The following CCSER1 variants were observed in gnomAD, a reference collection of about 807,000 sequenced individuals.
CCSER1 encodes coiled-coil serine rich protein 1.
CCSER1 carries 41 observed loss-of-function variants against 82.0 expected under a neutral mutation model. The ratio of observed to expected loss-of-function variants is 0.50; its 90% CI spans 0.39 to 0.65. The LOEUF is 0.65. CCSER1 is among the 30% of genes least tolerant of loss of function. The probability of loss-of-function intolerance (pLI) is 0.00; values close to 1 mark genes in which losing one functional copy is unlikely to be tolerated. For synonymous variants in CCSER1, 414 were observed against 383.9 expected, an observed-to-expected ratio of 1.08 and a Z score of -0.92; for missense variants, 1,119 against 1,064.2, an observed-to-expected ratio of 1.05 and a Z score of -0.72.
chr4:91,110,665 C>A (rs1726021503), intron 10 of CCSER1, among the ~76,000 whole-genome samples: 1 of 151,960 alleles, frequency 6.6e-6, no homozygotes, highest in African/African-American at 2.4e-5. Flanking sequence ...ACTATGAGTT[C>A]CTAGAGAACA....
intron 10 of CCSER1, among the ~76,000 whole-genome samples, chr4:91,214,700 T>C (rs1560520804): frequency 6.6e-6 from 1 of 152,200 alleles, no homozygotes; most frequent in South Asian, 2.1e-4. Context: ...AACAAGATTA[T>C]CTGTTCTAGA....
intron 10 of CCSER1, among the ~76,000 whole-genome samples, chr4:91,114,001 C>T (rs1180698982): frequency 6.6e-6 from 1 of 152,060 alleles, no homozygotes; most frequent in Non-Finnish European, 1.5e-5. Context: ...CACAGGCGCC[C>T]ACTACCACGC....
intron 10 of CCSER1, among the ~76,000 whole-genome samples, chr4:91,503,190 A>G (rs1385829226): frequency 6.6e-6 from 1 of 151,822 alleles, no homozygotes; most frequent in African/African-American, 2.4e-5. Flanking sequence ...AAAATAGAAA[A>G]AATAAGCTGG....
intron 7 of CCSER1, among the ~76,000 whole-genome samples, chr4:90,760,671 C>T (rs924835203): frequency 2.0e-5 from 3 of 151,954 alleles, no homozygotes; most frequent in African/African-American, 7.2e-5. Context: ...ACCAAATAGT[C>T]TAGTGATTAA....
chr4:91,109,789 C>T (rs1725939231), intron 10 of CCSER1, among the ~76,000 whole-genome samples: 1 of 151,920 alleles, frequency 6.6e-6, no homozygotes, highest in African/African-American at 2.4e-5. Context: ...TGTAGAACTC[C>T]AGTCAAATAA....
chr4:91,081,343 C>T (rs1243549547), intron 9 of CCSER1, among the ~76,000 whole-genome samples: 10 of 151,028 alleles, frequency 6.6e-5, no homozygotes, highest in South Asian at 6.3e-4. Context: ...AAAAGGCCTT[C>T]GATGAATAAA....
intron 8 of CCSER1, among the ~76,000 whole-genome samples, chr4:90,908,872 A>T (rs187188192): frequency 7.2e-4 from 110 of 152,302 alleles, no homozygotes; most frequent in African/African-American, 2.6e-3. Context: ...ATGGATGAAG[A>T]CAGGAAAATG....
intron 10 of CCSER1, among the ~76,000 whole-genome samples, chr4:91,238,204 G>C (rs1461214128): frequency 1.3e-5 from 2 of 151,984 alleles, no homozygotes; most frequent in Non-Finnish European, 2.9e-5. Flanking sequence ...CCAATCAGAA[G>C]AACGTTTAAA....
intron 5 of CCSER1, among the ~76,000 whole-genome samples, chr4:90,609,751 G>C (rs1785204528): frequency 6.6e-6 from 1 of 152,150 alleles, no homozygotes; most frequent in Non-Finnish European, 1.5e-5. Flanking sequence ...ATGAATAAGA[G>C]TAGATTCGGC....
chr4:90,512,426 A>G (rs1017846399), intron 5 of CCSER1, among the ~76,000 whole-genome samples: 3 of 152,158 alleles, frequency 2.0e-5, no homozygotes, highest in Non-Finnish European at 4.4e-5. Flanking sequence ...CATGTGTTAG[A>G]TAACTAGGTA....
intron 8 of CCSER1, among the ~76,000 whole-genome samples, chr4:90,884,157 C>A (rs1312083456): frequency 6.6e-6 from 1 of 152,042 alleles, no homozygotes; most frequent in African/African-American, 2.4e-5. Context: ...ATGGAGAGGT[C>A]ACTACAATGA....
intron 1 of CCSER1, among the ~76,000 whole-genome samples, chr4:90,231,472 CAAAAT>C (rs1175230038): frequency 6.8e-6 from 1 of 148,116 alleles, no homozygotes; most frequent in Non-Finnish European, 1.5e-5. Flanking sequence ...GGACGTATCT[CAAAAT>C]AATAAGAGCT....
intron 5 of CCSER1, among the ~76,000 whole-genome samples, chr4:90,535,322 C>T (rs936294708): frequency 3.3e-5 from 5 of 152,038 alleles, no homozygotes; most frequent in Non-Finnish European, 5.9e-5. Context: ...CAGTGGTTCA[C>T]GCCTGTAATC....
At chr4:90,746,836 A>T (rs1747562140) in intron 7 of CCSER1, among the ~76,000 whole-genome samples, 1 of 152,228 alleles carries the variant, frequency 6.6e-6, no homozygotes, top group African/African-American at 2.4e-5. Context: ...TTTACAGATA[A>T]GGAATTTGAA....
At chr4:91,443,875 C>G (rs930499407) in intron 10 of CCSER1, among the ~76,000 whole-genome samples, 1 of 151,396 alleles carries the variant, frequency 6.6e-6, no homozygotes, top group Non-Finnish European at 1.5e-5. Context: ...TGTCCAAATA[C>G]TTGAAGAAGT....
intron 10 of CCSER1, among the ~76,000 whole-genome samples, chr4:91,390,075 G>A (rs1380851083): frequency 6.6e-6 from 1 of 151,786 alleles, no homozygotes; most frequent in Non-Finnish European, 1.5e-5. Flanking sequence ...CCTTTCCAGT[G>A]GTGGAAAGGG....
At chr4:90,660,513 C>T (rs1176562975) in intron 6 of CCSER1, among the ~76,000 whole-genome samples, 1 of 151,962 alleles carries the variant, frequency 6.6e-6, no homozygotes, top group African/African-American at 2.4e-5. Flanking sequence ...ATATGATATT[C>T]TTCAAGTTAT....
rs573059752 is a variant in CCSER1, at chr4:90,806,936, T to A, written c.2011-8826T>A. ...AAACTTTATGTATCCTTAACTCCATTTGATTCCTGGAGAACCAACTTGTGA... is the reference window on the plus strand; with the variant it reads ...AAACTTTATGTATCCTTAACTCCATATGATTCCTGGAGAACCAACTTGTGA... On this transcript the variant is annotated intron_variant, in intron 7 of 10. Coordinates refer to ENST00000509176, the MANE Select transcript of CCSER1 (RefSeq NM_001145065.2). Among the ~76,000 whole-genome samples, 18 of 152,250 alleles carry A rather than the reference T, an allele frequency of 1.2e-4. No individual in the cohort carries two copies. The South Asian group carries it at 3.7e-3, about 32-fold the overall frequency.
intron 10 of CCSER1, among the ~76,000 whole-genome samples, chr4:91,377,248 C>A (rs1220133534): frequency 1.3e-5 from 2 of 152,132 alleles, no homozygotes; most frequent in South Asian, 2.1e-4. Context: ...GACTTATAAT[C>A]CTTTGGGTAT....
Sources: allele counts gnomAD v4.1 joint callset (sites outside exome capture counted in the v4.1 genomes callset), GRCh38; gene constraint gnomAD v4.1.1; transcripts MANE v1.5; gene names NCBI Gene and HGNC (gene_info 2026-07-23, HGNC 2026-07-21).